Variants in ADAM11 observed in about 807,000 individuals in gnomAD.
ADAM11 encodes ADAM metallopeptidase domain 11.
Under a neutral mutation model 119.1 loss-of-function variants are expected in ADAM11, and 49 were observed. That is an observed-to-expected ratio of 0.41 (90% confidence interval 0.33 to 0.52). ADAM11 has a LOEUF of 0.52. ADAM11 is among the 20% of genes least tolerant of loss of function. The pLI is 0.20. For missense variants in ADAM11, 777 were observed against 1,047.5 expected (o/e 0.74, Z 3.56); for synonymous variants, 364 against 408.0 (o/e 0.89, Z 1.30).
At position 44,773,816 on chromosome 17, in the gene ADAM11, C is replaced by T. The variant is rs576245181; in HGVS notation, c.992+389C>T. Among the ~76,000 whole-genome samples, 11 of 152,132 alleles carry T rather than the reference C, an allele frequency of 7.2e-5. No homozygotes were observed. The South Asian group carries it at 2.3e-3, about 32-fold the overall frequency. On this transcript the variant is annotated intron_variant, in intron 11 of 26. Coordinates refer to ENST00000200557, the MANE Select transcript of ADAM11 (RefSeq NM_002390.6). The surrounding 1 kb of genome is among the most constrained non-coding windows in gnomAD (Gnocchi z 4.6). ...ATGGGCAAAAGAACCCAAGGAGGGG[C>T]CAGGCGTGGTGGCTCATGCCTGTAA...
At chr17:44,769,657 C>A (rs2049492539) in intron 2 of ADAM11, 61 bp from the exon 3 acceptor site, 3 of 1,204,284 alleles carry the variant, frequency 2.5e-6, no homozygotes, top group Non-Finnish European at 3.7e-6. Flanking sequence ...CCCGGGATCC[C>A]CCCGACTCCC....
chr17:44,777,633 G>A lies in ADAM11; in HGVS notation c.1901+32G>A. Reference sequence around the variant, plus strand: ...GCCAGGACCAAGACTAGGGAGGGGAGGTTGCAGCTGTGCTGGGGGTTAGGA... The same window carrying A: ...GCCAGGACCAAGACTAGGGAGGGGAAGTTGCAGCTGTGCTGGGGGTTAGGA... On this transcript the variant is annotated intron_variant, in intron 22 of 26. Coordinates refer to ENST00000200557, the MANE Select transcript of ADAM11 (RefSeq NM_002390.6). The surrounding 1 kb of genome is among the most constrained non-coding windows in gnomAD (Gnocchi z 5.1). The A allele has an allele frequency of 6.2e-7, 1 of 1,613,892 alleles. No homozygotes were observed. The highest frequency in any genetic ancestry group is 1.1e-5 in the South Asian group (1 of 91,072).
intron 11 of ADAM11, 63 bp from the exon 12 acceptor site, chr17:44,774,232 A>C (rs1598891458): frequency 8.7e-7 from 1 of 1,150,906 alleles, no homozygotes; most frequent in South Asian, 1.7e-5. Flanking sequence ...CCAAGGCCCC[A>C]CCACCACCCG....
chr17:44,774,406 G>A (rs1304510196), intron 12 of ADAM11, 27 bp downstream of exon 12: 2 of 1,533,614 alleles, frequency 1.3e-6, no homozygotes, highest in South Asian at 1.2e-5. Flanking sequence ...CATGGCTGGG[G>A]TGGCGGCTGA....
chr17:44,774,133 G>C (rs1358544274), intron 11 of ADAM11, among the ~76,000 whole-genome samples, 162 bp from the exon 12 acceptor site: 1 of 152,042 alleles, frequency 6.6e-6, no homozygotes, highest in African/African-American at 2.4e-5. Flanking sequence ...AACCCAAGGA[G>C]GGGGGGAAGG....
In ADAM11 at chr17:44,776,624, G is replaced by T; in HGVS notation, c.1567-121G>T. 7.9e-7 allele frequency: 1 copy of T among 1,265,434 alleles called. No homozygotes were observed. Among genetic ancestry groups the T allele is most frequent in the Non-Finnish European group, 1.1e-6 (1 of 912,552 alleles). 78.4% of individuals were successfully genotyped at this position (1,265,434 alleles called of 1,614,324 possible). ...AGACAGATCGCTTGTCCTAGGCGTG[G>T]AAGAGCCCTGTGGCATGAGCCCCCA... On this transcript the variant is annotated intron_variant, in intron 18 of 26. Transcript: ENST00000200557. The surrounding 1 kb of genome is among the most constrained non-coding windows in gnomAD (Gnocchi z 5.2).
chr17:44,761,737 G>A (rs2049391679), intron 2 of ADAM11, among the ~76,000 whole-genome samples: 3 of 152,168 alleles, frequency 2.0e-5, no homozygotes, highest in Admixed American at 2.0e-4. Context: ...TACCAAAGCT[G>A]TGGACTTCTA....
rs1419838464 is a variant in ADAM11 at position 44,776,042 on chromosome 17, TG to T, written c.1486-80del. 2.1e-5 allele frequency: 31 copies of T among 1,488,028 alleles called. No individual in the cohort carries two copies. The highest frequency in any genetic ancestry group is 2.7e-5 in the Non-Finnish European group (29 of 1,079,016). 92.2% of individuals were successfully genotyped at this position (1,488,028 alleles called of 1,614,324 possible). Reference sequence around the variant, plus strand: ...TGGGGAGCTGGAGGGCCCGGGGATGTGGGGGTCCAGAGAGCGAGGGGCCTGG... The same window carrying T: ...TGGGGAGCTGGAGGGCCCGGGGATGTGGGGTCCAGAGAGCGAGGGGCCTGG... On this transcript the variant is annotated intron_variant, in intron 17 of 26. Transcript: ENST00000200557. The surrounding 1 kb of genome is among the most constrained non-coding windows in gnomAD (Gnocchi z 5.2).
rs746870259 is a variant in ADAM11 at position 44,775,381 on chromosome 17, C to T, written c.1321-13C>T. On this transcript the variant is annotated splice_polypyrimidine_tract_variant and intron_variant, in intron 15 of 26. Coordinates refer to ENST00000200557, the MANE Select transcript of ADAM11 (RefSeq NM_002390.6). The surrounding 1 kb of genome is among the most constrained non-coding windows in gnomAD (Gnocchi z 7.5). ...GGTCCGGGCCAGACTCCCGACCTGT[C>T]CTCCCGGTCCAGCTCCTGGACCCCC... 3.1e-6 allele frequency: 5 copies of T among 1,612,798 alleles called. No individual in the cohort carries two copies. The highest frequency in any genetic ancestry group is 3.4e-6 in the Non-Finnish European group (4 of 1,179,758).
Position 44,772,487 on chromosome 17 carries a change from C to T in ADAM11, c.678+21C>T. The T allele has an allele frequency of 1.9e-6, 3 of 1,557,192 alleles. No homozygotes were observed. The highest frequency in any genetic ancestry group is 1.4e-5 in the African/African-American group (1 of 73,466). On this transcript the variant is annotated intron_variant, in intron 8 of 26. Coordinates refer to ENST00000200557, the MANE Select transcript of ADAM11 (RefSeq NM_002390.6). This position sits in a 1 kb window ranked among gnomAD's most constrained non-coding sequence, Gnocchi z 4.5. ...GGCAGGTACGGGGGCCCGCACAGAC[C>T]TCGGGCTGCAGAGACCTCGGGCTGC...
Position 44,776,250 on chromosome 17 carries a change from A to G in ADAM11, c.1566+43A>G. 6.2e-7 allele frequency: 1 copy of G among 1,604,540 alleles called. No individual in the cohort carries two copies. The highest frequency in any genetic ancestry group is 8.5e-7 in the Non-Finnish European group (1 of 1,173,588). The stretch of plus-strand genomic sequence containing the variant: ...GTCTTGTGGAGCCCTGGGCGAGGCA[A>G]CCCCTACCCTTGTCGATTTGGTTTT... On this transcript the variant is annotated intron_variant, in intron 18 of 26. Coordinates refer to ENST00000200557, the MANE Select transcript of ADAM11 (RefSeq NM_002390.6). The surrounding 1 kb of genome is among the most constrained non-coding windows in gnomAD (Gnocchi z 5.2).
chr17:44,781,059 G>A lies in ADAM11; in HGVS notation c.*1305G>A, dbSNP rs1374263353. On this transcript the variant is annotated 3_prime_UTR_variant, in exon 27 of 27. Transcript: ENST00000200557. ...GCTCCTTGACCCTAAAAGGTAGCTG[G>A]CAGGGGCAAGATGGGGGCCAGCTAC... The A allele has an allele frequency of 6.6e-6, 1 of 152,320 alleles. No homozygotes were observed. Among genetic ancestry groups the A allele is most frequent in the East Asian group, 1.9e-4 (1 of 5,172 alleles). 9.4% of individuals were successfully genotyped at this position (152,320 alleles called of 1,614,324 possible). A position where few individuals can be genotyped will look rare whatever the true frequency, so the allele number is the denominator to read the frequency against.
chr17:44,770,488 TCCC>T lies in ADAM11; in HGVS notation c.381+449_381+451del, dbSNP rs754119100. Among the ~76,000 whole-genome samples the T allele has an allele frequency of 8.3e-5, 5 of 60,296 alleles. 1 individual carries two copies. Among genetic ancestry groups the T allele is most frequent in the African/African-American group, 2.7e-4 (5 of 18,854 alleles). 39.6% of individuals were successfully genotyped at this position (60,296 alleles called of 152,430 possible). A position where few individuals can be genotyped will look rare whatever the true frequency, so the allele number is the denominator to read the frequency against. On this transcript the variant is annotated intron_variant, in intron 4 of 26. Transcript: ENST00000200557. ...AATGAGTGTCTATAAATAGCCTGTCTCCCCCCCCCCCGCCCCCACTGCCTGTTC... is the reference window on the plus strand; with the variant it reads ...AATGAGTGTCTATAAATAGCCTGTCTCCCCCCCCGCCCCCACTGCCTGTTC...
chr17:44,777,921 C>T lies in ADAM11; in HGVS notation c.2071-31C>T. 6.2e-7 allele frequency: 1 copy of T among 1,613,562 alleles called. No individual in the cohort carries two copies. Among genetic ancestry groups the T allele is most frequent in the Non-Finnish European group, 8.5e-7 (1 of 1,179,732 alleles). The stretch of plus-strand genomic sequence containing the variant: ...GCTTACAAGAGGGGACAGGCCCCTG[C>T]TCACCTCTCCTGGCCCTGCCCTGCC... On this transcript the variant is annotated intron_variant, in intron 23 of 26. Transcript: ENST00000200557. The surrounding 1 kb of genome is among the most constrained non-coding windows in gnomAD (Gnocchi z 5.1).
intron 2 of ADAM11, among the ~76,000 whole-genome samples, chr17:44,760,302 C>T (rs192816365): frequency 4.6e-5 from 7 of 152,336 alleles, no homozygotes; most frequent in Non-Finnish European, 1.0e-4. Context: ...GTTCTCACCA[C>T]AGCCACCTTA....
At chr17:44,766,947 G>A (rs542853465) in intron 2 of ADAM11, among the ~76,000 whole-genome samples, 3 of 152,228 alleles carry the variant, frequency 2.0e-5, no homozygotes, top group Non-Finnish European at 4.4e-5. Context: ...GCTCAAGTCT[G>A]TAATCCTAGC....
At position 44,777,936 on chromosome 17, in the gene ADAM11, C is replaced by T. The variant is rs371438526; in HGVS notation, c.2071-16C>T. ...CAGGCCCCTGCTCACCTCTCCTGGC[C>T]CTGCCCTGCCTCTAGGTCTGCAGCA... On this transcript the variant is annotated splice_polypyrimidine_tract_variant and intron_variant, in intron 23 of 26. Transcript: ENST00000200557. The surrounding 1 kb of genome is among the most constrained non-coding windows in gnomAD (Gnocchi z 5.1). 1.9e-6 allele frequency: 3 copies of T among 1,613,794 alleles called. No individual in the cohort carries two copies. Among genetic ancestry groups the T allele is most frequent in the Non-Finnish European group, 2.5e-6 (3 of 1,179,932 alleles).
intron 2 of ADAM11, among the ~76,000 whole-genome samples, chr17:44,766,799 C>A (rs1035765421): frequency 1.3e-5 from 2 of 152,144 alleles, no homozygotes; most frequent in South Asian, 4.1e-4. Context: ...CTGGCATGAC[C>A]TCAAGACCAA....
chr17:44,775,342 C>G lies in ADAM11; in HGVS notation c.1320+31C>G, dbSNP rs200537757. On this transcript the variant is annotated intron_variant, in intron 15 of 26. Transcript: ENST00000200557. The surrounding 1 kb of genome is among the most constrained non-coding windows in gnomAD (Gnocchi z 7.5). Reference sequence around the variant, plus strand: ...AGCCCCGCGGCGGGGAGCATGGGAGCGGGCCCTGGGCGGGGTCCGGGCCAG... The same window carrying G: ...AGCCCCGCGGCGGGGAGCATGGGAGGGGGCCCTGGGCGGGGTCCGGGCCAG... The G allele has an allele frequency of 3.1e-6, 5 of 1,613,290 alleles. No individual in the cohort carries two copies. The Admixed American group carries it at 5.0e-5, about 16-fold the overall frequency.
Sources: gnomAD v4.1 joint callset for allele counts (sites outside exome capture counted in the v4.1 genomes callset) on GRCh38, gnomAD v4.1.1 for gene constraint, Gnocchi (gnomAD v3.1) non-coding constraint, MANE v1.5 for transcripts, NCBI Gene and HGNC (gene_info 2026-07-23, HGNC 2026-07-21) for gene names.